TRPC4: variants seen among roughly 807,000 people sequenced by gnomAD.
TRPC4 encodes the protein transient receptor potential cation channel subfamily C member 4.
Under a neutral mutation model 99.4 loss-of-function variants are expected in TRPC4, and 49 were observed. The ratio of observed to expected loss-of-function variants is 0.49; its 90% CI spans 0.39 to 0.63. TRPC4 has a LOEUF of 0.63. Ranked by LOEUF, TRPC4 falls within the 20% of genes least tolerant of loss-of-function variation. TRPC4 has a pLI of 0.00. For missense variants in TRPC4, 898 were observed against 1,152.9 expected, an observed-to-expected ratio of 0.78 and a Z score of 3.20; for synonymous variants, 454 against 425.9, an observed-to-expected ratio of 1.07 and a Z score of -0.81.
chr13:37,803,298 T>A (rs931578210), intron 1 of TRPC4, among the ~76,000 whole-genome samples: 3 of 152,098 alleles, frequency 2.0e-5, no homozygotes, highest in Non-Finnish European at 4.4e-5. Flanking sequence ...TGTTTAGGAA[T>A]CAATATCTGG....
At chr13:37,842,129 G>T (rs1240451829) in intron 1 of TRPC4, among the ~76,000 whole-genome samples, 4 of 151,604 alleles carry the variant, frequency 2.6e-5, no homozygotes, top group Admixed American at 1.3e-4. Context: ...AATTAGCTGG[G>T]TGTGGTGGCA....
At chr13:37,860,778 C>A (rs1959255024) in intron 1 of TRPC4, among the ~76,000 whole-genome samples, 2 of 151,418 alleles carry the variant, frequency 1.3e-5, no homozygotes, top group Non-Finnish European at 3.0e-5. Flanking sequence ...TCATAAGCCT[C>A]CAATCCTAGA....
chr13:37,811,443 G>A (rs556794491), intron 1 of TRPC4, among the ~76,000 whole-genome samples: 32 of 152,266 alleles, frequency 2.1e-4, no homozygotes, highest in African/African-American at 7.5e-4. Flanking sequence ...AGAGTTTGCA[G>A]GTTGTGATAC....
chr13:37,850,995 T>A (rs770960424), intron 1 of TRPC4, among the ~76,000 whole-genome samples: 1 of 152,192 alleles, frequency 6.6e-6, no homozygotes, highest in Non-Finnish European at 1.5e-5. Flanking sequence ...AAAATGCTTA[T>A]CAGAAAGCTG....
intron 6 of TRPC4, 64 bp from the exon 7 acceptor site, chr13:37,655,347 C>A (rs1952191505): frequency 4.6e-6 from 4 of 873,432 alleles, no homozygotes; most frequent in Admixed American, 9.0e-5. Flanking sequence ...TGGGATAAAA[C>A]AATAAAGCTT....
At chr13:37,727,881 T>G (rs1056735505) in intron 3 of TRPC4, among the ~76,000 whole-genome samples, 3 of 152,088 alleles carry the variant, frequency 2.0e-5, no homozygotes, top group African/African-American at 4.8e-5. Context: ...ATGGGCTGAT[T>G]TTTCAACATA....
intron 3 of TRPC4, among the ~76,000 whole-genome samples, chr13:37,721,878 C>T (rs1954882057): frequency 1.3e-5 from 2 of 151,976 alleles, no homozygotes; most frequent in South Asian, 4.2e-4. Flanking sequence ...CTCATGTGAT[C>T]CTCCCACCTT....
intron 2 of TRPC4, among the ~76,000 whole-genome samples, chr13:37,756,773 G>A (rs1459161938): frequency 6.6e-6 from 1 of 151,898 alleles, no homozygotes; most frequent in Non-Finnish European, 1.5e-5. Context: ...GAACTCAGGA[G>A]ACCTACCCGC....
chr13:37,751,246 C>A (rs1955925079), intron 2 of TRPC4, among the ~76,000 whole-genome samples: 1 of 152,068 alleles, frequency 6.6e-6, no homozygotes, highest in Non-Finnish European at 1.5e-5. Context: ...TTTACAGTGG[C>A]GGGAACATTC....
intron 2 of TRPC4, among the ~76,000 whole-genome samples, chr13:37,775,804 ATT>A (rs5802900): frequency 6.7e-6 from 1 of 148,914 alleles, no homozygotes; most frequent in African/African-American, 2.5e-5. Flanking sequence ...GTGTTATCTG[ATT>A]TTTTTTTTGA....
At chr13:37,731,322 C>A (rs914541926) in intron 3 of TRPC4, among the ~76,000 whole-genome samples, 1 of 152,016 alleles carries the variant, frequency 6.6e-6, no homozygotes, top group Non-Finnish European at 1.5e-5. Context: ...AGTCAGCACA[C>A]AGAGGCATCA....
rs376173742 is a variant in TRPC4 at position 37,826,816 on chromosome 13, C to T, written c.-28+42779G>A. 2.6e-5 allele frequency among the ~76,000 whole-genome samples: 4 copies of T among 152,198 alleles called. No individual in the cohort carries two copies. The East Asian group carries it at 5.8e-4, about 22-fold the overall frequency. On this transcript the variant is annotated intron_variant, in intron 1 of 10. Coordinates refer to ENST00000379705, the MANE Select transcript of TRPC4 (RefSeq NM_016179.4). ...CTGTATTTCCTGAATCTGAATGTTG[C>T]CCTGCCTTGCTAGATTGGGGAAGTT...
At chr13:37,661,420 T>G (rs1952434780) in intron 6 of TRPC4, among the ~76,000 whole-genome samples, 1 of 152,192 alleles carries the variant, frequency 6.6e-6, no homozygotes. Flanking sequence ...AGGAATCAGA[T>G]AGGTGAGAAG....
chr13:37,863,087 A>G (rs1236767417), intron 1 of TRPC4, among the ~76,000 whole-genome samples: 1 of 151,512 alleles, frequency 6.6e-6, no homozygotes, highest in Non-Finnish European at 1.5e-5. Flanking sequence ...TAGCCTAGGT[A>G]TGTAGTAAGC....
At chr13:37,658,108 C>A (rs1436824813) in intron 6 of TRPC4, among the ~76,000 whole-genome samples, 3 of 152,096 alleles carry the variant, frequency 2.0e-5, no homozygotes, top group Non-Finnish European at 2.9e-5. Flanking sequence ...ACCAACATTG[C>A]CCATACATTG....
At chr13:37,651,998 G>A (rs1952061255) in intron 7 of TRPC4, among the ~76,000 whole-genome samples, 1 of 152,206 alleles carries the variant, frequency 6.6e-6, no homozygotes, top group Non-Finnish European at 1.5e-5. Context: ...AACAAATGTA[G>A]AATTGGGCCT....
intron 4 of TRPC4, among the ~76,000 whole-genome samples, chr13:37,682,027 G>A (rs1018227747): frequency 1.3e-5 from 2 of 151,864 alleles, no homozygotes; most frequent in Non-Finnish European, 2.9e-5. Flanking sequence ...CTGTGAGGAT[G>A]TGATGGGGTA....
In TRPC4 at chr13:37,828,081, C is replaced by T. The variant is rs1325037831; in HGVS notation, c.-28+41514G>A. Among the ~76,000 whole-genome samples the T allele has an allele frequency of 2.6e-5, 4 of 152,336 alleles. No homozygotes were observed. In the East Asian group the frequency reaches 7.7e-4, roughly 29 times the overall value. On this transcript the variant is annotated intron_variant, in intron 1 of 10. Transcript: ENST00000379705. ...TTTCTTTGACTAGGAAAGGGAACTC[C>T]CTGACCCCTTGAGCTTCCCGAGTGA...
intron 4 of TRPC4, among the ~76,000 whole-genome samples, chr13:37,679,893 A>T (rs1459339548): frequency 1.3e-5 from 2 of 152,216 alleles, no homozygotes; most frequent in Non-Finnish European, 2.9e-5. Context: ...TAAAATATCC[A>T]GTGCGAAAAA....
Sources: gnomAD v4.1 joint callset for allele counts (sites outside exome capture counted in the v4.1 genomes callset) on GRCh38, gnomAD v4.1.1 for gene constraint, MANE v1.5 for transcripts, NCBI Gene and HGNC (gene_info 2026-07-23, HGNC 2026-07-21) for gene names.